The following CCDC40 variants were observed in gnomAD, a reference collection of about 807,000 sequenced individuals.
The protein encoded by CCDC40 is coiled-coil domain-containing protein 40.
In CCDC40, 104 loss-of-function variants were observed where a neutral mutation model predicts 124.5. That is an observed-to-expected ratio of 0.84 (90% CI 0.71 to 0.98). The LOEUF (loss-of-function observed/expected upper bound fraction) is 0.98. Ranked by LOEUF, CCDC40 falls within the 50% of genes least tolerant of loss-of-function variation. The probability of loss-of-function intolerance (pLI) is 0.00; values close to 1 mark genes in which losing one functional copy is unlikely to be tolerated. For missense variants in CCDC40, 1,463 were observed against 1,503.9 expected (o/e 0.97, Z 0.45); for synonymous variants, 580 against 602.9 (o/e 0.96, Z 0.56).
intron 13 of CCDC40, among the ~76,000 whole-genome samples, chr17:80,085,280 G>A (rs766360132): frequency 4.6e-5 from 7 of 152,214 alleles, no homozygotes; most frequent in Non-Finnish European, 7.3e-5. Flanking sequence ...GAATGGGCAC[G>A]GCTGTGTCCA....
At chr17:80,044,596 A>G (rs1262818852) in intron 3 of CCDC40, among the ~76,000 whole-genome samples, 1 of 151,876 alleles carries the variant, frequency 6.6e-6, no homozygotes, top group East Asian at 1.9e-4. Context: ...AGGCACAAGA[A>G]TCGCTTGAGC....
At position 80,094,247 on chromosome 17, in the gene CCDC40, GAAAA is replaced by G. The variant is rs56368314; in HGVS notation, c.2833-1003_2833-1000del. On this transcript the variant is annotated intron_variant, in intron 17 of 19. Coordinates refer to ENST00000397545, the MANE Select transcript of CCDC40 (RefSeq NM_017950.4). ...ACCACGGTGAAACCCTGTCTCTACT[GAAAA>G]AAAAAAAAAAAATAGCCAGGCGTGG... Among the ~76,000 whole-genome samples the G allele has an allele frequency of 2.2e-5, 3 of 133,596 alleles. No individual in the cohort carries two copies. In the Admixed American group the frequency reaches 2.3e-4, roughly 10 times the overall value. 87.6% of individuals were successfully genotyped at this position (133,596 alleles called of 152,430 possible). A position where few individuals can be genotyped will look rare whatever the true frequency, so the allele number is the denominator to read the frequency against.
chr17:80,040,510 C>T, intron 3 of CCDC40: 1 of 535,846 alleles, frequency 1.9e-6, no homozygotes, highest in Non-Finnish European at 3.4e-6. Flanking sequence ...GAAATCCTGT[C>T]TCTACTAAAT....
Position 80,058,729 on chromosome 17 carries a change from C to T in CCDC40, c.1317+78C>T, listed in dbSNP as rs1005522410. ...AAAAGGGGCTCAGCTTTGCCTCCTG[C>T]GTGAAGGCTTCCGGCCGGAGGGGTG... On this transcript the variant is annotated intron_variant, in intron 8 of 19. Transcript: ENST00000397545. This position sits in a 1 kb window ranked among gnomAD's most constrained non-coding sequence, Gnocchi z 4.2. The T allele has an allele frequency of 8.1e-6, 13 of 1,600,780 alleles. No individual in the cohort carries two copies. Among genetic ancestry groups the T allele is most frequent in the African/African-American group, 4.0e-5 (3 of 74,632 alleles).
At chr17:80,047,617 A>C (rs1033741762) in intron 4 of CCDC40, among the ~76,000 whole-genome samples, 1 of 152,232 alleles carries the variant, frequency 6.6e-6, no homozygotes. Context: ...TGAAGTAGGA[A>C]TCCTTCTCCA....
chr17:80,062,968 C>T (rs1313576377), intron 9 of CCDC40, among the ~76,000 whole-genome samples: 2 of 152,088 alleles, frequency 1.3e-5, no homozygotes, highest in Non-Finnish European at 2.9e-5. Context: ...CCGAGGTCGG[C>T]AGATCACCTG....
intron 9 of CCDC40, among the ~76,000 whole-genome samples, chr17:80,060,798 A>G (rs1211564054): frequency 6.6e-6 from 1 of 152,272 alleles, no homozygotes; most frequent in Admixed American, 6.5e-5. Flanking sequence ...CAGAGTTTAT[A>G]TAAAAACCTA....
chr17:80,098,978 CA>C (rs149775682), intron 19 of CCDC40: 24,679 of 121,920 alleles, frequency 0.2, 2,386 homozygotes, highest in African/African-American at 0.29. Flanking sequence ...GAGACAGCCT[CA>C]AAAAAAAAAA....
At chr17:80,053,741 C>T (rs1032988441) in intron 7 of CCDC40, among the ~76,000 whole-genome samples, 5 of 152,112 alleles carry the variant, frequency 3.3e-5, no homozygotes, top group Non-Finnish European at 5.9e-5. Context: ...TACAGGGGCC[C>T]GCCACCATGC....
chr17:80,059,503 A>C (rs934979040), intron 9 of CCDC40, among the ~76,000 whole-genome samples: 5 of 151,844 alleles, frequency 3.3e-5, no homozygotes, highest in Non-Finnish European at 5.9e-5. Context: ...AAAAAAAAAA[A>C]AAAACTATGA....
intron 4 of CCDC40, chr17:80,048,352 C>T (rs1053195491): frequency 8.6e-6 from 5 of 582,772 alleles, no homozygotes; most frequent in Non-Finnish European, 1.5e-5. Context: ...AAATAATTTC[C>T]TTCCTGCCTA....
chr17:80,089,614 C>G, intron 16 of CCDC40, 150 bp from the exon 17 acceptor site: 1 of 910,580 alleles, frequency 1.1e-6, no homozygotes, highest in South Asian at 1.3e-5. Flanking sequence ...GTAGTGAACA[C>G]TTCAGGCTTT....
chr17:80,053,140 A>G (rs2037648735), intron 7 of CCDC40, among the ~76,000 whole-genome samples: 1 of 152,244 alleles, frequency 6.6e-6, no homozygotes, highest in African/African-American at 2.4e-5. Context: ...AATGTCCAGG[A>G]GAACAGATGC....
At chr17:80,039,773 A>G (rs368187755) in intron 2 of CCDC40, 39 bp from the exon 3 acceptor site, 4 of 1,607,798 alleles carry the variant, frequency 2.5e-6, no homozygotes, top group Non-Finnish European at 3.4e-6. Context: ...GGTCCTTTAT[A>G]CTTTGTTTCC....
chr17:80,070,634 G>A (rs1436985477), intron 10 of CCDC40, among the ~76,000 whole-genome samples: 1 of 151,822 alleles, frequency 6.6e-6, no homozygotes, highest in Non-Finnish European at 1.5e-5. Context: ...GCATGGTGGT[G>A]TGCACCTGTA....
intron 10 of CCDC40, among the ~76,000 whole-genome samples, chr17:80,076,189 A>C (rs1273868729): frequency 1.3e-5 from 2 of 152,232 alleles, no homozygotes; most frequent in Non-Finnish European, 2.9e-5. Context: ...CCTATCAAAC[A>C]GCATCACATA....
At chr17:80,047,154 TA>T (rs1449222889) in intron 3 of CCDC40, 124 bp from the exon 4 acceptor site, 80 of 1,151,696 alleles carry the variant, frequency 6.9e-5, no homozygotes, top group Middle Eastern at 2.4e-4. Flanking sequence ...CCAGGTTTTT[TA>T]AAAAACACAC....
In CCDC40 at chr17:80,095,293, GAGA is replaced by G. The variant is rs1567816902; in HGVS notation, c.2867_2869del (p.Lys956del). ...GCTCGGGCAGCTGCTGAAGCAGCAG[GAGA>G]AGATGATCCGTGCCATGGAGTTGGC... On this transcript the variant is annotated inframe_deletion, in exon 18 of 20. Coordinates refer to ENST00000397545, the MANE Select transcript of CCDC40 (RefSeq NM_017950.4). The G allele has an allele frequency of 6.2e-7, 1 of 1,614,026 alleles. No individual in the cohort carries two copies. The highest frequency in any genetic ancestry group is 8.5e-7 in the Non-Finnish European group (1 of 1,180,036).
intron 10 of CCDC40, chr17:80,067,081 G>T (rs747671278): frequency 6.3e-6 from 1 of 158,330 alleles, no homozygotes; most frequent in African/African-American, 2.4e-5. Flanking sequence ...TCAAGGCCAG[G>T]TTCTCTCTGA....
Sources: allele counts gnomAD v4.1 joint callset (sites outside exome capture counted in the v4.1 genomes callset), GRCh38; gene constraint gnomAD v4.1.1; non-coding constraint Gnocchi (gnomAD v3.1); transcripts MANE v1.5; gene names NCBI Gene and HGNC (gene_info 2026-07-23, HGNC 2026-07-21).